LOXL1: variants seen among roughly 807,000 people sequenced by gnomAD.
LOXL1 encodes the protein lysyl oxidase homolog 1.
LOXL1 carries 31 observed loss-of-function variants against 62.2 expected under a neutral mutation model. That is an observed-to-expected ratio of 0.50 (90% CI 0.37 to 0.67). LOXL1 has a LOEUF of 0.67. LOXL1 is among the 30% of genes least tolerant of loss of function. The pLI is 0.00. For missense variants in LOXL1, 775 were observed against 843.4 expected (o/e 0.92, Z 1.00); for synonymous variants, 403 against 384.4 (o/e 1.05, Z -0.56).
intron 1 of LOXL1, among the ~76,000 whole-genome samples, chr15:73,929,862 T>G (rs1177547387): frequency 6.6e-6 from 1 of 152,204 alleles, no homozygotes; most frequent in Non-Finnish European, 1.5e-5. Context: ...GCCACAATAT[T>G]GGCAGAGGCA....
chr15:73,950,720 G>A (rs1450777465), intron 6 of LOXL1, among the ~76,000 whole-genome samples: 1 of 152,190 alleles, frequency 6.6e-6, no homozygotes, highest in African/African-American at 2.4e-5. Context: ...CAGGATCAGG[G>A]CTTAGTGTGT....
chr15:73,927,464 CT>C lies in LOXL1; in HGVS notation c.682del (p.Tyr228ThrfsTer199). The C allele has an allele frequency of 6.9e-7, 1 of 1,450,550 alleles. No individual in the cohort carries two copies. Among genetic ancestry groups the C allele is most frequent in the Non-Finnish European group, 9.0e-7 (1 of 1,105,144 alleles). The allele number at this position is 1,450,550 out of a possible 1,614,324, so 89.9% of individuals were successfully genotyped here. A position where few individuals can be genotyped will look rare whatever the true frequency, so the allele number is the denominator to read the frequency against. ...AVASAGVIYP[Y>X]QPRARYEEYG... ...TGGCCTCGGCGGGGGTCATCTACCC[CT>C]ACCAGCCCCGGGCGCGCTACGAGGA... is the stretch of plus-strand genomic sequence containing the variant. On this transcript the variant is annotated frameshift_variant, in exon 1 of 7. Transcript: ENST00000261921. LOFTEE classifies it high-confidence loss of function.
chr15:73,931,544 G>A lies in LOXL1; in HGVS notation c.1102+3659G>A, dbSNP rs143717998. Among the ~76,000 whole-genome samples the A allele has an allele frequency of 4.0e-3, 612 of 152,226 alleles. 3 individuals carry two copies. The highest frequency in any genetic ancestry group is 0.017 in the Middle Eastern group (5 of 294). ...TTTCTCAAGCCTCCACAGCCCCCAT[G>A]GGACCATGCTGCTCGTGGGCCTAGA... On this transcript the variant is annotated intron_variant, in intron 1 of 6. Coordinates refer to ENST00000261921, the MANE Select transcript of LOXL1 (RefSeq NM_005576.4).
chr15:73,945,011 T>C lies in LOXL1; in HGVS notation c.1212-1406T>C, dbSNP rs1417917949. On this transcript the variant is annotated intron_variant, in intron 2 of 6. Coordinates refer to ENST00000261921, the MANE Select transcript of LOXL1 (RefSeq NM_005576.4). The surrounding 1 kb of genome is among the most constrained non-coding windows in gnomAD (Gnocchi z 4.3). ...AGCCCCTGAGGCCAACAGAGTTAGC[T>C]GTCAGCCGTCAGCTAAAGAGGGGAG... Among the ~76,000 whole-genome samples, 1 of 152,176 alleles carries C rather than the reference T, an allele frequency of 6.6e-6. No homozygotes were observed. Among genetic ancestry groups the C allele is most frequent in the Non-Finnish European group, 1.5e-5 (1 of 68,034 alleles).
At chr15:73,928,633 TAAAGG>T (rs1201852073) in intron 1 of LOXL1, among the ~76,000 whole-genome samples, 8 of 135,844 alleles carry the variant, frequency 5.9e-5, no homozygotes, top group Non-Finnish European at 1.1e-4. Context: ...AAACCTGTGA[TAAAGG>T]AAATATCCAG....
At position 73,926,952 on chromosome 15, in the gene LOXL1, T is replaced by A; in HGVS notation, c.169T>A (p.Ser57Thr). Residue 57 changes from serine (S) to threonine (T), a missense_variant, in exon 1 of 7, where the codon TCG becomes ACG. By Grantham distance (58) the Ser-to-Thr change is moderately conservative (BLOSUM62 1). Transcript: ENST00000261921. ...NNGQVYSLLN[S>T]GSEYVPAGPQ... ...CGGGCAGGTGTACAGCTTGCTCAAC[T>A]CGGGCTCAGAGTACGTGCCGGCCGG... 6.4e-7 allele frequency: 1 copy of A among 1,554,412 alleles called. No homozygotes were observed. The highest frequency in any genetic ancestry group is 8.7e-7 in the Non-Finnish European group (1 of 1,151,036).
At position 73,945,438 on chromosome 15, in the gene LOXL1, T is replaced by TGG. The variant is rs1420891729; in HGVS notation, c.1212-977_1212-976dup. On this transcript the variant is annotated intron_variant, in intron 2 of 6. Transcript: ENST00000261921. The surrounding 1 kb of genome is among the most constrained non-coding windows in gnomAD (Gnocchi z 4.3). ...GACTTTTGAGTTGACCCTAGGATAC[T>TGG]GGGTGAGTTTTGGAATTCTGGGTCA... Among the ~76,000 whole-genome samples the TGG allele has an allele frequency of 6.6e-6, 1 of 152,174 alleles. No homozygotes were observed. Among genetic ancestry groups the TGG allele is most frequent in the Non-Finnish European group, 1.5e-5 (1 of 68,034 alleles).
chr15:73,926,787 G>A lies in LOXL1; in HGVS notation c.4G>A (p.Ala2Thr). ...AGGCCTCTGCAGAGGGGTCACCATG[G>A]CTCTGGCCCGAGGCAGCCGGCAGCT... MALARGSRQLGA... is the reference protein window; with the variant it reads MTLARGSRQLGA... Residue 2 changes from alanine (A) to threonine (T), a missense_variant, in exon 1 of 7, where the codon GCT becomes ACT. Transcript: ENST00000261921. 6.9e-7 allele frequency: 1 copy of A among 1,444,328 alleles called. No homozygotes were observed. The allele number at this position is 1,444,328 out of a possible 1,614,324, so 89.5% of individuals were successfully genotyped here.
rs370368960 is a variant in LOXL1 at position 73,926,886 on chromosome 15, G to C, written c.103G>C (p.Asp35His). The C allele has an allele frequency of 4.4e-5, 69 of 1,561,340 alleles. No individual in the cohort carries two copies. In the African/African-American group the frequency reaches 8.1e-4, roughly 18 times the overall value. Reference protein sequence around the residue: ...GQQAQPGQGSDPARWRQLIQW... With the variant: ...GQQAQPGQGSHPARWRQLIQW... ...GCAGGCGCAGCCCGGGCAGGGCTCG[G>C]ACCCCGCCCGCTGGCGGCAGCTGAT... The change falls in exon 1 of 7, where the codon GAC (aspartate) becomes CAC (histidine). Residue 35 changes from aspartate to histidine, a missense_variant. Physicochemically the swap from Asp to His is moderately conservative, Grantham distance 81. Coordinates refer to ENST00000261921, the MANE Select transcript of LOXL1 (RefSeq NM_005576.4).
intron 2 of LOXL1, among the ~76,000 whole-genome samples, chr15:73,943,501 C>T (rs1431763186): frequency 1.3e-5 from 2 of 152,112 alleles, no homozygotes; most frequent in Admixed American, 6.5e-5. Context: ...GCAGTGAGCC[C>T]GGGGGACAAA....
intron 1 of LOXL1, among the ~76,000 whole-genome samples, chr15:73,939,036 G>A (rs1177184344): frequency 6.6e-6 from 1 of 152,086 alleles, no homozygotes; most frequent in Non-Finnish European, 1.5e-5. Context: ...ACTCTGCTTG[G>A]AGGGCCTGTT....
Position 73,945,916 on chromosome 15 carries a change from T to C in LOXL1, c.1212-501T>C, listed in dbSNP as rs1193744822. 2.0e-5 allele frequency among the ~76,000 whole-genome samples: 3 copies of C among 152,172 alleles called. No individual in the cohort carries two copies. The highest frequency in any genetic ancestry group is 4.4e-5 in the Non-Finnish European group (3 of 68,030). On this transcript the variant is annotated intron_variant, in intron 2 of 6. Transcript: ENST00000261921. This position sits in a 1 kb window ranked among gnomAD's most constrained non-coding sequence, Gnocchi z 4.3. Reference sequence around the variant, plus strand: ...TCTTTAATTAAATTAATTTTTTAAATTTTAATTTCTCACTATGTTGCCCAG... The same window carrying C: ...TCTTTAATTAAATTAATTTTTTAAACTTTAATTTCTCACTATGTTGCCCAG...
At position 73,930,736 on chromosome 15, in the gene LOXL1, T is replaced by TTCCTCGGG. The variant is rs2068629759; in HGVS notation, c.1102+2853_1102+2860dup. ...AAGCGCCTGTCCTGAGCCCAGTTTC[T>TTCCTCGGG]TCCTCGGGTACCTGTGCCCTCTTCC... On this transcript the variant is annotated intron_variant, in intron 1 of 6. Coordinates refer to ENST00000261921, the MANE Select transcript of LOXL1 (RefSeq NM_005576.4). The surrounding 1 kb of genome is among the most constrained non-coding windows in gnomAD (Gnocchi z 4.7). 6.6e-6 allele frequency among the ~76,000 whole-genome samples: 1 copy of TTCCTCGGG among 152,196 alleles called. No homozygotes were observed. Among genetic ancestry groups the TTCCTCGGG allele is most frequent in the Admixed American group, 6.5e-5 (1 of 15,290 alleles).
chr15:73,949,632 C>G (rs2068770669), intron 6 of LOXL1, 58 bp downstream of exon 6: 2 of 1,201,166 alleles, frequency 1.7e-6, no homozygotes, highest in East Asian at 2.3e-5. Flanking sequence ...GGGGAGCAGG[C>G]AAGGCCACCT....
chr15:73,931,433 T>C (rs912257892), intron 1 of LOXL1, among the ~76,000 whole-genome samples: 1 of 152,062 alleles, frequency 6.6e-6, no homozygotes, highest in Non-Finnish European at 1.5e-5. Context: ...ATTCTGTAGC[T>C]CCTCAGGGCC....
Position 73,947,134 on chromosome 15 carries a change from G to T in LOXL1, c.1417G>T (p.Ala473Ser). Residue 473 changes from alanine (A) to serine (S), a missense_variant, in exon 4 of 7, where the codon GCC (alanine) becomes TCC (serine). Coordinates refer to ENST00000261921, the MANE Select transcript of LOXL1 (RefSeq NM_005576.4). ...GGATGCAGCCACAGGCAAGAAGGTG[G>T]CCGAGGGCCACAAGGCCAGTTTCTG... ...LLDAATGKKV[A>S]EGHKASFCLE... The T allele has an allele frequency of 6.2e-7, 1 of 1,613,826 alleles. No homozygotes were observed. The highest frequency in any genetic ancestry group is 8.5e-7 in the Non-Finnish European group (1 of 1,179,724).
intron 1 of LOXL1, among the ~76,000 whole-genome samples, chr15:73,935,137 C>T (rs75616038): frequency 0.019 from 2,851 of 152,258 alleles, 30 homozygotes; most frequent in Non-Finnish European, 0.025. Flanking sequence ...TTTTACTCAG[C>T]GTTTGAGCTG....
At chr15:73,939,210 G>A (rs1016539799) in intron 1 of LOXL1, among the ~76,000 whole-genome samples, 12 of 152,228 alleles carry the variant, frequency 7.9e-5, no homozygotes, top group Non-Finnish European at 1.5e-4. Context: ...TGCAGGCCTG[G>A]CTGCTGACGA....
At chr15:73,931,152 C>G (rs538777600) in intron 1 of LOXL1, among the ~76,000 whole-genome samples, 5 of 137,040 alleles carry the variant, frequency 3.6e-5, no homozygotes, top group African/African-American at 1.3e-4. Context: ...CTCGCACCCC[C>G]CGCCTGACTC....
Sources: allele counts gnomAD v4.1 joint callset (sites outside exome capture counted in the v4.1 genomes callset), GRCh38; gene constraint gnomAD v4.1.1; non-coding constraint Gnocchi (gnomAD v3.1); transcripts MANE v1.5; gene names NCBI Gene and HGNC (gene_info 2026-07-23, HGNC 2026-07-21).